Variants in NDUFB6 observed in about 807,000 individuals in gnomAD.
NDUFB6 encodes the protein NADH:ubiquinone oxidoreductase subunit B6, also known as NADH dehydrogenase [ubiquinone] 1 beta subcomplex subunit 6.
In NDUFB6, 23 loss-of-function variants were observed where a neutral mutation model predicts 17.5. The observed-to-expected ratio is 1.31, with a 90% confidence interval of 0.94 to 1.86. The LOEUF (loss-of-function observed/expected upper bound fraction) is 1.86. Among genes scored for constraint, NDUFB6 ranks in the 40% most tolerant of loss-of-function variants. The probability of loss-of-function intolerance (pLI) is 0.00; values close to 1 mark genes in which losing one functional copy is unlikely to be tolerated. For synonymous variants in NDUFB6, 60 were observed against 53.5 expected, an observed-to-expected ratio of 1.12 and a Z score of -0.53; for missense variants, 167 against 153.8, an observed-to-expected ratio of 1.09 and a Z score of -0.46.
At chr9:32,567,065 A>T (rs1469843778) in intron 2 of NDUFB6, 6 of 494,456 alleles carry the variant, frequency 1.2e-5, no homozygotes, top group South Asian at 9.2e-5. Context: ...CCTGCCCGCC[A>T]TGCCAAACTT....
At position 32,558,998 on chromosome 9, in the gene NDUFB6, T is replaced by A. The variant is rs763474992; in HGVS notation, c.274-44A>T. ...CTGTGTTAATTATGGTGTTAAGAGT[T>A]TCTTCTGAAAATAAGAAATAGGTCA... is the stretch of plus-strand genomic sequence containing the variant. On this transcript the variant is annotated intron_variant, in intron 2 of 3. Transcript: ENST00000379847. 1.1e-5 allele frequency: 15 copies of A among 1,418,854 alleles called. No individual in the cohort carries two copies. The South Asian group carries it at 1.9e-4, about 18-fold the overall frequency. The allele number at this position is 1,418,854 out of a possible 1,614,324, so 87.9% of individuals were successfully genotyped here. A position where few individuals can be genotyped will look rare whatever the true frequency, so the allele number is the denominator to read the frequency against.
Position 32,572,920 on chromosome 9 carries a change from C to T in NDUFB6, c.141G>A (p.Trp47Ter). The T allele has an allele frequency of 1.2e-6, 2 of 1,604,818 alleles. No individual in the cohort carries two copies. The highest frequency in any genetic ancestry group is 1.7e-6 in the Non-Finnish European group (2 of 1,175,444). The change falls in exon 1 of 4, where the codon TGG becomes TGA. Residue 47 changes from tryptophan (W) to a stop codon, truncating the protein, a stop_gained. Coordinates refer to ENST00000379847, the MANE Select transcript of NDUFB6 (RefSeq NM_002493.5). LOFTEE classifies it high-confidence loss of function. ...GGGATTTATTCTCCAAAAATTTATT[C>T]CAGAATTTCTCCATAGGCCCCATCT... is the stretch of plus-strand genomic sequence containing the variant. ...PQKMGPMEKF[W>*]NKFLENKSPW...
intron 1 of NDUFB6, 113 bp downstream of exon 1, chr9:32,572,768 G>A (rs1587653998): frequency 1.0e-6 from 1 of 995,872 alleles, no homozygotes; most frequent in East Asian, 2.7e-5. Flanking sequence ...CAGTGTCCCA[G>A]AGCACTGAGC....
At chr9:32,572,738 G>A (rs1821970242) in intron 1 of NDUFB6, 143 bp downstream of exon 1, 3 of 668,234 alleles carry the variant, frequency 4.5e-6, no homozygotes, top group East Asian at 3.0e-5. Flanking sequence ...CGAGACTCCA[G>A]GAGGACTCTC....
chr9:32,562,635 G>A (rs986935049), intron 2 of NDUFB6, among the ~76,000 whole-genome samples: 3 of 152,120 alleles, frequency 2.0e-5, no homozygotes, highest in Non-Finnish European at 4.4e-5. Context: ...GTAAATTGCT[G>A]ACTAGTTTAT....
intron 2 of NDUFB6, chr9:32,567,349 CT>C (rs1821827599): frequency 2.1e-6 from 1 of 468,948 alleles, no homozygotes; most frequent in South Asian, 1.6e-5. Flanking sequence ...ATATTTCAAA[CT>C]TTTTCAGATG....
In NDUFB6 at chr9:32,553,124, G is replaced by T; in HGVS notation, c.*752C>A. The T allele has an allele frequency of 4.4e-6, 2 of 458,588 alleles. No homozygotes were observed. Among genetic ancestry groups the T allele is most frequent in the Non-Finnish European group, 3.8e-6 (1 of 263,570 alleles). 28.4% of individuals were successfully genotyped at this position (458,588 alleles called of 1,614,324 possible). On this transcript the variant is annotated 3_prime_UTR_variant, in exon 4 of 4. Coordinates refer to ENST00000379847, the MANE Select transcript of NDUFB6 (RefSeq NM_002493.5). ...AATTAACAGCAACCTAAATCTGACA[G>T]TCTTGAGTGTCAGATCATAGTTGGA...
intron 2 of NDUFB6, chr9:32,567,066 T>C (rs1194223670): frequency 4.0e-6 from 2 of 493,922 alleles, no homozygotes; most frequent in East Asian, 6.1e-5. Flanking sequence ...CTGCCCGCCA[T>C]GCCAAACTTC....
chr9:32,572,057 G>A (rs1401856525), intron 1 of NDUFB6, among the ~76,000 whole-genome samples: 1 of 152,166 alleles, frequency 6.6e-6, no homozygotes, highest in East Asian at 1.9e-4. Flanking sequence ...TTAAAATGAG[G>A]ATTAGGAATA....
chr9:32,566,633 G>A lies in NDUFB6; in HGVS notation c.273+4327C>T, dbSNP rs1250971438. 1.1e-5 allele frequency: 9 copies of A among 792,314 alleles called. No homozygotes were observed. The Admixed American group carries it at 1.2e-4, about 10-fold the overall frequency. The allele number at this position is 792,314 out of a possible 1,614,324, so 49.1% of individuals were successfully genotyped here. ...CCTCCTGAGCCTCTGCACCCACCAT[G>A]GAGGAGCAGGAGCTCACCTCTCTCA... On this transcript the variant is annotated intron_variant, in intron 2 of 3. Coordinates refer to ENST00000379847, the MANE Select transcript of NDUFB6 (RefSeq NM_002493.5).
intron 3 of NDUFB6, among the ~76,000 whole-genome samples, chr9:32,558,376 G>T (rs916640573): frequency 6.6e-6 from 1 of 152,170 alleles, no homozygotes; most frequent in African/African-American, 2.4e-5. Context: ...CTCCCAAAGT[G>T]CTGGGATTAC....
At chr9:32,555,795 C>A (rs1210852189) in intron 3 of NDUFB6, among the ~76,000 whole-genome samples, 1 of 152,170 alleles carries the variant, frequency 6.6e-6, no homozygotes, top group Non-Finnish European at 1.5e-5. Context: ...AAGAACAAAC[C>A]CCCTGGACAG....
At chr9:32,562,563 T>C (rs761188665) in intron 2 of NDUFB6, among the ~76,000 whole-genome samples, 12 of 152,244 alleles carry the variant, frequency 7.9e-5, no homozygotes, top group Non-Finnish European at 8.8e-5. Flanking sequence ...TATTCTGAAA[T>C]AATTTTAAAC....
At chr9:32,561,584 C>G (rs1034091713) in intron 2 of NDUFB6, among the ~76,000 whole-genome samples, 28 of 152,136 alleles carry the variant, frequency 1.8e-4, no homozygotes, top group Non-Finnish European at 2.6e-4. Flanking sequence ...CCGCCTCAGC[C>G]TCCCAAAGTG....
At chr9:32,554,040 T>C (rs1821383736) in intron 3 of NDUFB6, 96 bp from the exon 4 acceptor site, 2 of 723,470 alleles carry the variant, frequency 2.8e-6, no homozygotes, top group African/African-American at 1.8e-5. Flanking sequence ...ACATGGAAAA[T>C]GTACTTGAGT....
At chr9:32,554,815 A>G (rs1357997403) in intron 3 of NDUFB6, among the ~76,000 whole-genome samples, 1 of 152,250 alleles carries the variant, frequency 6.6e-6, no homozygotes, top group African/African-American at 2.4e-5. Context: ...GCAGTCTGGT[A>G]GCAAAGATAA....
chr9:32,570,303 G>A (rs559070179), intron 2 of NDUFB6, among the ~76,000 whole-genome samples: 74 of 152,116 alleles, frequency 4.9e-4, no homozygotes, highest in Non-Finnish European at 6.0e-4. Context: ...CTTGGTATAC[G>A]AATGCCCTCC....
intron 2 of NDUFB6, chr9:32,566,955 C>A: frequency 1.9e-6 from 1 of 522,710 alleles, no homozygotes; most frequent in Non-Finnish European, 3.7e-6. Context: ...TGAGCAGCAC[C>A]AGCTCGGCAT....
In NDUFB6 at chr9:32,566,276, G is replaced by A. The variant is rs1394899658; in HGVS notation, c.273+4684C>T. 5.2e-6 allele frequency: 6 copies of A among 1,145,292 alleles called. No individual in the cohort carries two copies. In the Admixed American group the frequency reaches 8.4e-5, roughly 16 times the overall value. The allele number at this position is 1,145,292 out of a possible 1,614,324, so 70.9% of individuals were successfully genotyped here. A position where few individuals can be genotyped will look rare whatever the true frequency, so the allele number is the denominator to read the frequency against. On this transcript the variant is annotated intron_variant, in intron 2 of 3. Coordinates refer to ENST00000379847, the MANE Select transcript of NDUFB6 (RefSeq NM_002493.5). ...ACAACACTAATTTTAGGTTCTCTGA[G>A]GTAGAAAGCAGGCCATAAAAATATT...
Sources: allele counts gnomAD v4.1 joint callset (sites outside exome capture counted in the v4.1 genomes callset), GRCh38; gene constraint gnomAD v4.1.1; transcripts MANE v1.5; gene names NCBI Gene and HGNC (gene_info 2026-07-23, HGNC 2026-07-21).